KCTD8: variants seen among roughly 807,000 people sequenced by gnomAD.
The protein encoded by KCTD8 is BTB/POZ domain-containing protein KCTD8.
Under a neutral mutation model 31.5 loss-of-function variants are expected in KCTD8, and 27 were observed. The observed-to-expected ratio is 0.86, with a 90% CI of 0.63 to 1.18. The LOEUF is 1.18. KCTD8 is among the 50% of genes most tolerant of loss of function. The pLI, the probability that KCTD8 is intolerant of heterozygous loss-of-function variation, is 0.00. For missense variants in KCTD8, 658 were observed against 647.7 expected (o/e 1.02, Z -0.17); for synonymous variants, 290 against 280.0 (o/e 1.04, Z -0.36).
chr4:44,303,751 T>G (rs935790875), intron 1 of KCTD8, among the ~76,000 whole-genome samples: 1 of 151,850 alleles, frequency 6.6e-6, no homozygotes, highest in Non-Finnish European at 1.5e-5. Context: ...AGGCAGAGGT[T>G]GCAGTGAACT....
chr4:44,284,251 A>G (rs1046229179), intron 1 of KCTD8, among the ~76,000 whole-genome samples: 15 of 143,694 alleles, frequency 1.0e-4, no homozygotes, highest in Non-Finnish European at 2.9e-5. Flanking sequence ...TACAGTAACC[A>G]AACAGCATGG....
At chr4:44,395,620 TCA>T (rs1720482870) in intron 1 of KCTD8, among the ~76,000 whole-genome samples, 1 of 152,094 alleles carries the variant, frequency 6.6e-6, no homozygotes, top group African/African-American at 2.4e-5. Flanking sequence ...AAGGTAGCAG[TCA>T]CACACCCCTT....
At chr4:44,386,369 GA>G (rs1050115560) in intron 1 of KCTD8, among the ~76,000 whole-genome samples, 5 of 148,994 alleles carry the variant, frequency 3.4e-5, no homozygotes, top group Non-Finnish European at 6.0e-5. Context: ...CCTAAAGAAG[GA>G]AAAAAAAACT....
chr4:44,408,868 C>T (rs767592453), intron 1 of KCTD8, among the ~76,000 whole-genome samples: 4 of 152,000 alleles, frequency 2.6e-5, no homozygotes, highest in Non-Finnish European at 5.9e-5. Flanking sequence ...CTGCCCACCT[C>T]GGCCTCCCAA....
At chr4:44,235,034 A>C (rs1342926922) in intron 1 of KCTD8, among the ~76,000 whole-genome samples, 2 of 152,166 alleles carry the variant, frequency 1.3e-5, no homozygotes, top group African/African-American at 4.8e-5. Context: ...CTTATCTAAC[A>C]GGACAAGACG....
At chr4:44,325,324 A>G (rs1718415961) in intron 1 of KCTD8, among the ~76,000 whole-genome samples, 1 of 151,956 alleles carries the variant, frequency 6.6e-6, no homozygotes, top group Admixed American at 6.6e-5. Context: ...TAGAACTGCC[A>G]TATTCTAGAA....
intron 1 of KCTD8, among the ~76,000 whole-genome samples, chr4:44,377,982 C>T (rs986781926): frequency 6.6e-6 from 1 of 151,922 alleles, no homozygotes; most frequent in Non-Finnish European, 1.5e-5. Context: ...CAGATATTTG[C>T]TTTCCTCCAT....
At chr4:44,297,799 A>C (rs1232658419) in intron 1 of KCTD8, among the ~76,000 whole-genome samples, 2 of 152,204 alleles carry the variant, frequency 1.3e-5, no homozygotes, top group Non-Finnish European at 2.9e-5. Context: ...TTTGCAACTT[A>C]CATGAACACA....
At position 44,194,795 on chromosome 4, in the gene KCTD8, C is replaced by G. The variant is rs1227427926; in HGVS notation, c.962-19545G>C. Reference sequence around the variant, plus strand: ...ACCCTCCCCCCTTCCCTCCCTCCCTCCCTCCCTCCCTCCCTCCCTCCCTTC... The same window carrying G: ...ACCCTCCCCCCTTCCCTCCCTCCCTGCCTCCCTCCCTCCCTCCCTCCCTTC... On this transcript the variant is annotated intron_variant, in intron 1 of 1. Coordinates refer to ENST00000360029, the MANE Select transcript of KCTD8 (RefSeq NM_198353.3). Among the ~76,000 whole-genome samples, 413 of 78,018 alleles carry G rather than the reference C, an allele frequency of 5.3e-3. 5 individuals are homozygous for G. The highest frequency in any genetic ancestry group is 0.021 in the African/African-American group (388 of 18,686). The allele number at this position is 78,018 out of a possible 152,430, so 51.2% of individuals were successfully genotyped here.
intron 1 of KCTD8, among the ~76,000 whole-genome samples, chr4:44,287,927 A>C (rs186301899): frequency 6.6e-6 from 1 of 152,278 alleles, no homozygotes; most frequent in African/African-American, 2.4e-5. Flanking sequence ...TTATACAATA[A>C]TCTCATAAAT....
At chr4:44,321,000 G>A (rs920963496) in intron 1 of KCTD8, among the ~76,000 whole-genome samples, 2 of 152,176 alleles carry the variant, frequency 1.3e-5, no homozygotes, top group Non-Finnish European at 2.9e-5. Flanking sequence ...AGGTGTATTT[G>A]TAAATGTGTT....
chr4:44,348,840 A>G (rs1221033307), intron 1 of KCTD8, among the ~76,000 whole-genome samples: 3 of 151,666 alleles, frequency 2.0e-5, no homozygotes, highest in African/African-American at 7.2e-5. Flanking sequence ...TATTTCTGGC[A>G]TTGATTCCCT....
chr4:44,235,191 GTT>G (rs34823190), intron 1 of KCTD8, among the ~76,000 whole-genome samples: 12,444 of 136,466 alleles, frequency 0.091, 773 homozygotes, highest in African/African-American at 0.18. Context: ...AGTGTGCTGA[GTT>G]TTTTTTTTTT....
At chr4:44,235,625 T>A (rs1024647107) in intron 1 of KCTD8, among the ~76,000 whole-genome samples, 6 of 143,244 alleles carry the variant, frequency 4.2e-5, no homozygotes, top group Non-Finnish European at 9.2e-5. Context: ...ATCCACTGTC[T>A]GCAGAAACTG....
At chr4:44,433,382 T>C (rs1259866812) in intron 1 of KCTD8, among the ~76,000 whole-genome samples, 3 of 151,758 alleles carry the variant, frequency 2.0e-5, no homozygotes, top group Non-Finnish European at 3.0e-5. Context: ...CAGGACTAGA[T>C]GAAACAAAGA....
chr4:44,377,642 A>G (rs1297000435), intron 1 of KCTD8, among the ~76,000 whole-genome samples: 1 of 152,188 alleles, frequency 6.6e-6, no homozygotes, highest in Non-Finnish European at 1.5e-5. Flanking sequence ...CTCTTGTTTA[A>G]GTCTAAGCAC....
At position 44,447,666 on chromosome 4, in the gene KCTD8, G is replaced by C. The variant is rs762985548; in HGVS notation, c.858C>G (p.Ala286=). 6.2e-7 allele frequency: 1 copy of C among 1,612,124 alleles called. No homozygotes were observed. Among genetic ancestry groups the C allele is most frequent in the Non-Finnish European group, 8.5e-7 (1 of 1,179,270 alleles). The part of the protein sequence containing the change: ...LEQAFDRLSE[A]GFHMVACNSS... ...AGTTACACGCCACCATGTGGAAGCC[G>C]GCCTCGGACAGGCGATCAAAGGCCT... Residue 286 remains alanine, a synonymous_variant, in exon 1 of 2, where the codon GCC becomes GCG. Transcript: ENST00000360029.
At chr4:44,299,907 AC>A (rs1403300474) in intron 1 of KCTD8, among the ~76,000 whole-genome samples, 2 of 150,870 alleles carry the variant, frequency 1.3e-5, no homozygotes, top group Non-Finnish European at 3.0e-5. Context: ...ACCCGCCACC[AC>A]GCCCGGCTAA....
chr4:44,442,774 T>TAC (rs1553908576), intron 1 of KCTD8, among the ~76,000 whole-genome samples: 1,624 of 147,336 alleles, frequency 0.011, 24 homozygotes, highest in African/African-American at 0.033. Flanking sequence ...AACTAAGGTA[T>TAC]ACACACACAC....
Sources: allele counts gnomAD v4.1 joint callset (sites outside exome capture counted in the v4.1 genomes callset), GRCh38; gene constraint gnomAD v4.1.1; transcripts MANE v1.5; gene names NCBI Gene and HGNC (gene_info 2026-07-23, HGNC 2026-07-21).